Variants in EXPH5 observed in about 807,000 individuals in gnomAD.
The protein encoded by EXPH5 is exophilin-5.
A neutral mutation model predicts 41.1 loss-of-function variants in EXPH5; 42 were observed. The observed-to-expected ratio is 1.02, with a 90% CI of 0.80 to 1.32. The LOEUF (loss-of-function observed/expected upper bound fraction) is 1.32, where lower values mean the gene tolerates loss of function less well. EXPH5 is among the 40% of genes most tolerant of loss of function. The pLI, the probability that EXPH5 is intolerant of heterozygous loss-of-function variation, is 0.00. For synonymous variants in EXPH5, 798 were observed against 833.5 expected (o/e 0.96, Z 0.73); for missense variants, 2,298 against 2,314.5 (o/e 0.99, Z 0.15).
chr11:108,540,146 C>A (rs908723160), intron 2 of EXPH5, among the ~76,000 whole-genome samples: 17 of 151,892 alleles, frequency 1.1e-4, no homozygotes, highest in African/African-American at 3.9e-4. Context: ...CATGGAGAAA[C>A]CCCGTCTCTA....
intron 1 of EXPH5, among the ~76,000 whole-genome samples, chr11:108,593,180 C>T (rs2094132184): frequency 6.6e-6 from 1 of 152,226 alleles, no homozygotes; most frequent in Non-Finnish European, 1.5e-5. Context: ...CTGCCCGACC[C>T]CAGACCCGCA....
chr11:108,532,356 ATATATATATATTTTTTTTTTTTTTTTTT>A (rs1306317976), intron 3 of EXPH5, among the ~76,000 whole-genome samples: 2 of 20,194 alleles, frequency 9.9e-5, no homozygotes, highest in African/African-American at 5.2e-4. Context: ...ATATATATAT[ATATATATATATTTTTTTTTTTTTTTTTT>A]TTTTTTTTTT....
chr11:108,593,806 AG>A, upstream of EXPH5: 1 of 1,492,962 alleles, frequency 6.7e-7, no homozygotes, highest in South Asian at 1.2e-5. Context: ...TCCCGTTCCA[AG>A]GGGGCGGGCC....
chr11:108,568,284 C>T (rs1339334385), intron 1 of EXPH5, among the ~76,000 whole-genome samples: 1 of 151,868 alleles, frequency 6.6e-6, no homozygotes, highest in East Asian at 1.9e-4. Context: ...GAGGAAATGA[C>T]CAGGCACGCG....
chr11:108,572,806 G>A (rs1212280117), intron 1 of EXPH5, among the ~76,000 whole-genome samples: 1 of 152,044 alleles, frequency 6.6e-6, no homozygotes, highest in Non-Finnish European at 1.5e-5. Context: ...TGATCCACTC[G>A]TCTCGGCCTC....
intron 4 of EXPH5, among the ~76,000 whole-genome samples, chr11:108,523,731 G>C (rs188294905): frequency 2.0e-5 from 3 of 152,268 alleles, no homozygotes; most frequent in East Asian, 1.9e-4. Flanking sequence ...AACTTAGCAG[G>C]CTTGATGGAA....
chr11:108,544,660 C>T (rs1251955262), intron 1 of EXPH5, among the ~76,000 whole-genome samples: 1 of 152,114 alleles, frequency 6.6e-6, no homozygotes, highest in East Asian at 1.9e-4. Context: ...AGCAATAACC[C>T]CACCCCAAGA....
intron 3 of EXPH5, among the ~76,000 whole-genome samples, chr11:108,530,603 T>C (rs558896438): frequency 6.6e-6 from 1 of 152,184 alleles, no homozygotes; most frequent in South Asian, 2.1e-4. Flanking sequence ...ACTGTGAAGG[T>C]TCTTTCTGGA....
At chr11:108,579,262 T>G (rs2094090255) in intron 1 of EXPH5, among the ~76,000 whole-genome samples, 1 of 152,064 alleles carries the variant, frequency 6.6e-6, no homozygotes, top group Non-Finnish European at 1.5e-5. Flanking sequence ...TGACATCTAT[T>G]AAAATGATCA....
Position 108,510,935 on chromosome 11 carries a change from C to G in EXPH5, c.4572G>C (p.Gln1524His). 6.2e-7 allele frequency: 1 copy of G among 1,614,100 alleles called. No individual in the cohort carries two copies. The highest frequency in any genetic ancestry group is 2.2e-5 in the East Asian group (1 of 44,890). Residue 1524 changes from glutamine (Q) to histidine (H), a missense_variant, in exon 6 of 6, where the codon CAG becomes CAC. Gln to His is a conservative substitution (Grantham distance 24). Coordinates refer to ENST00000265843, the MANE Select transcript of EXPH5 (RefSeq NM_015065.3). ...GACTCTCTAAGTTTGGTTCATCTGACTGAGTCTCCTCACCAAGCTGTAGTT... is the reference window on the plus strand; with the variant it reads ...GACTCTCTAAGTTTGGTTCATCTGAGTGAGTCTCCTCACCAAGCTGTAGTT... ...LHKLQLGEET[Q>H]SDEPNLESLQ...
At chr11:108,548,144 C>T (rs2093947306) in intron 1 of EXPH5, among the ~76,000 whole-genome samples, 1 of 144,812 alleles carries the variant, frequency 6.9e-6, no homozygotes, top group Non-Finnish European at 1.5e-5. Flanking sequence ...AAATCAGTGT[C>T]TCAGAGTTCT....
At chr11:108,586,883 G>A (rs1438577133) in intron 1 of EXPH5, among the ~76,000 whole-genome samples, 1 of 151,850 alleles carries the variant, frequency 6.6e-6, no homozygotes, top group Non-Finnish European at 1.5e-5. Flanking sequence ...TAGGGCCATT[G>A]GCAATGTCAA....
At chr11:108,567,642 GCCTTCAAA>G (rs1198359302) in intron 1 of EXPH5, among the ~76,000 whole-genome samples, 1 of 152,004 alleles carries the variant, frequency 6.6e-6, no homozygotes, top group East Asian at 1.9e-4. Context: ...CAAACATTAG[GCCTTCAAA>G]ATATTTGTCA....
chr11:108,571,616 C>T (rs1454420668), intron 1 of EXPH5, among the ~76,000 whole-genome samples: 1 of 152,084 alleles, frequency 6.6e-6, no homozygotes, highest in Non-Finnish European at 1.5e-5. Flanking sequence ...AGGGGAGCTC[C>T]CAAGGGCAAA....
intron 4 of EXPH5, among the ~76,000 whole-genome samples, chr11:108,526,248 T>C (rs1258689281): frequency 2.0e-5 from 3 of 152,092 alleles, no homozygotes; most frequent in African/African-American, 4.8e-5. Context: ...ATAATAGCTA[T>C]TCATGGGGAG....
chr11:108,598,722 G>A (rs111990611), upstream of EXPH5, among the ~76,000 whole-genome samples: 2,612 of 152,200 alleles, frequency 0.017, 34 homozygotes, highest in Non-Finnish European at 0.029. Flanking sequence ...GCAGGAGAGA[G>A]ATTGGCAGGC....
rs754393193 is a variant in EXPH5 at position 108,510,765 on chromosome 11, T to C, written c.4742A>G (p.Asp1581Gly). 2.5e-6 allele frequency: 4 copies of C among 1,614,118 alleles called. No individual in the cohort carries two copies. Among genetic ancestry groups the C allele is most frequent in the Admixed American group, 3.3e-5 (2 of 60,010 alleles). Residue 1581 changes from aspartate to glycine, a missense_variant, in exon 6 of 6, where the codon GAC (aspartate) becomes GGC (glycine). Asp to Gly is a moderately conservative substitution (Grantham distance 94). Transcript: ENST00000265843. ...AGATCTATTTTCCCCCTTTACTAGG[T>C]CATCCAAGTTGGTTTTATTTTTGTT... ...EGNKNKTNLD[D>G]LVKGENRSSV...
intron 1 of EXPH5, among the ~76,000 whole-genome samples, chr11:108,584,874 T>C (rs572965768): frequency 5.4e-4 from 82 of 152,334 alleles, no homozygotes; most frequent in South Asian, 3.1e-3. Flanking sequence ...ACTAAAAGCA[T>C]GATTCATAAA....
At chr11:108,552,978 T>C (rs1467563252) in intron 1 of EXPH5, among the ~76,000 whole-genome samples, 1 of 152,090 alleles carries the variant, frequency 6.6e-6, no homozygotes, top group Non-Finnish European at 1.5e-5. Flanking sequence ...GGTGGATTAC[T>C]TGAGGACAGG....
Sources: allele counts gnomAD v4.1 joint callset (sites outside exome capture counted in the v4.1 genomes callset), GRCh38; gene constraint gnomAD v4.1.1; transcripts MANE v1.5; gene names NCBI Gene and HGNC (gene_info 2026-07-23, HGNC 2026-07-21).